The following BRCA1 variants were observed in gnomAD, a reference collection of about 807,000 sequenced individuals.
BRCA1 encodes breast cancer type 1 susceptibility protein.
A neutral mutation model predicts 173.7 loss-of-function variants in BRCA1; 140 were observed. That is an observed-to-expected ratio of 0.81 (90% confidence interval 0.70 to 0.93). The LOEUF is 0.93. Ranked by LOEUF, BRCA1 falls within the 40% of genes least tolerant of loss-of-function variation. The probability of loss-of-function intolerance (pLI) is 0.00; values close to 1 mark genes in which losing one functional copy is unlikely to be tolerated. For missense variants in BRCA1, 1,983 were observed against 2,172.5 expected, an observed-to-expected ratio of 0.91 and a Z score of 1.73; for synonymous variants, 662 against 756.0, an observed-to-expected ratio of 0.88 and a Z score of 2.04.
chr17:43,058,304 T>C (rs915079076), intron 18 of BRCA1, among the ~76,000 whole-genome samples: 2 of 150,878 alleles, frequency 1.3e-5, no homozygotes, highest in Non-Finnish European at 3.0e-5. Flanking sequence ...AGCCCAGGAG[T>C]TGGAGGCTGC....
intron 1 of BRCA1, among the ~76,000 whole-genome samples, chr17:43,134,554 T>C (rs760461489): frequency 8.5e-5 from 13 of 152,216 alleles, no homozygotes; most frequent in East Asian, 3.8e-4. Context: ...TGTGACCAGA[T>C]AGACTATACT....
chr17:43,135,419 C>T (rs1168140777), intron 1 of BRCA1, among the ~76,000 whole-genome samples: 2 of 152,364 alleles, frequency 1.3e-5, no homozygotes, highest in East Asian at 1.9e-4. Context: ...CATGCACCCG[C>T]TCCTTTATTA....
chr17:43,125,047 A>C, intron 1 of BRCA1: 1 of 427,728 alleles, frequency 2.3e-6, no homozygotes, highest in Non-Finnish European at 4.7e-6. Context: ...TATCACGAGG[A>C]TTCCCCCACG....
intron 12 of BRCA1, among the ~76,000 whole-genome samples, chr17:43,080,704 G>C: frequency 6.6e-6 from 1 of 152,036 alleles, no homozygotes; most frequent in East Asian, 1.9e-4. Context: ...AGCTACTTGG[G>C]AGGCTAAGGC....
rs1555588512 is a variant in BRCA1 at position 43,092,504 on chromosome 17, T to G, written c.3027A>C (p.Ser1009=). The change falls in exon 10 of 23, where the codon TCA becomes TCC. Residue 1009 remains serine (S), a synonymous_variant. Coordinates refer to ENST00000357654, the MANE Select transcript of BRCA1 (RefSeq NM_007294.4). ...TCTCATTTCCCATTTCTCTTTCAGG[T>G]GACATTGAATGTTCCTCAAAGTTTT... ...LEENFEEHSM[S]PEREMGNENI... is the part of the protein sequence containing the mutation. The G allele has an allele frequency of 1.2e-6, 2 of 1,614,022 alleles. No homozygotes were observed. The highest frequency in any genetic ancestry group is 1.7e-6 in the Non-Finnish European group (2 of 1,179,924).
intron 3 of BRCA1, among the ~76,000 whole-genome samples, chr17:43,114,248 T>TTA (rs2055165542): frequency 6.6e-6 from 1 of 152,130 alleles, no homozygotes. Flanking sequence ...GTCCCTGTAA[T>TTA]AATAGTATAG....
In BRCA1 at chr17:43,092,976, A is replaced by G. The variant is rs1555589415; in HGVS notation, c.2555T>C (p.Leu852Pro). 3 of 1,613,308 alleles carry G rather than the reference A, an allele frequency of 1.9e-6. No homozygotes were observed. Among genetic ancestry groups the G allele is most frequent in the Admixed American group, 3.3e-5 (2 of 59,986 alleles). Residue 852 changes from leucine to proline, a missense_variant, in exon 10 of 23, where the codon CTT (leucine) becomes CCT (proline). Transcript: ENST00000357654. ...ETSIEMEESELDAQYLQNTFK... is the reference protein window; with the variant it reads ...ETSIEMEESEPDAQYLQNTFK... ...TGTATTCTGCAAATACTGAGCATCA[A>G]GTTCACTTTCTTCCATTTCTATGCT...
intron 1 of BRCA1, chr17:43,138,480 C>T (rs999328518): frequency 2.4e-5 from 15 of 618,962 alleles, no homozygotes; most frequent in Middle Eastern, 4.3e-4. Context: ...GTGACTCCAC[C>T]GTAGACTCCA....
chr17:43,079,268 G>T (rs2154103914), intron 12 of BRCA1: 3 of 1,247,000 alleles, frequency 2.4e-6, no homozygotes, highest in Non-Finnish European at 3.5e-6. Context: ...TCCTCCTTTT[G>T]GCCAGAACCA....
intron 20 of BRCA1, 39 bp from the exon 21 acceptor site, chr17:43,049,233 C>A: frequency 6.3e-7 from 1 of 1,587,162 alleles, no homozygotes; most frequent in Non-Finnish European, 8.7e-7. Flanking sequence ...CTGCAGTAAT[C>A]TGCATACTTA....
At chr17:43,135,601 G>A (rs1398263988) in intron 1 of BRCA1, among the ~76,000 whole-genome samples, 8 of 152,186 alleles carry the variant, frequency 5.3e-5, no homozygotes, top group Non-Finnish European at 1.2e-4. Context: ...CGCAGGTCGC[G>A]GTCTTCGGAG....
In BRCA1 at chr17:43,101,412, G is replaced by T. The variant is rs2054469540; in HGVS notation, c.442-1532C>A. ...GGGTTTCACCACATTGCCTAGGCTG[G>T]TCTTGAACTCTAGGACTCGAGATCC... On this transcript the variant is annotated intron_variant, in intron 6 of 22. Coordinates refer to ENST00000357654, the MANE Select transcript of BRCA1 (RefSeq NM_007294.4). 2.6e-5 allele frequency among the ~76,000 whole-genome samples: 4 copies of T among 151,672 alleles called. No individual in the cohort carries two copies. In the South Asian group the frequency reaches 8.3e-4, roughly 32 times the overall value.
At chr17:43,086,109 TACACACAC>T (rs376686434) in intron 11 of BRCA1, among the ~76,000 whole-genome samples, 55 of 137,460 alleles carry the variant, frequency 4.0e-4, no homozygotes, top group East Asian at 1.9e-3. Context: ...ATCACATACA[TACACACAC>T]ACACACACAC....
intron 3 of BRCA1, among the ~76,000 whole-genome samples, chr17:43,109,463 C>G (rs969905741): frequency 2.6e-5 from 4 of 152,110 alleles, no homozygotes; most frequent in Non-Finnish European, 5.9e-5. Context: ...ATCTTCCTAC[C>G]AGAGAAAGTG....
At chr17:43,149,478 G>A (rs1257839925) in intron 1 of BRCA1, among the ~76,000 whole-genome samples, 9 of 151,632 alleles carry the variant, frequency 5.9e-5, no homozygotes, top group African/African-American at 7.3e-5. Flanking sequence ...CAAGTGATCC[G>A]CCCACCTTGG....
At chr17:43,103,475 A>G (rs1361648671) in intron 6 of BRCA1, among the ~76,000 whole-genome samples, 5 of 152,006 alleles carry the variant, frequency 3.3e-5, no homozygotes, top group African/African-American at 4.8e-5. Context: ...TCAAAAAAAA[A>G]AAAAAAAAAG....
chr17:43,119,336 G>C (rs146891355), intron 2 of BRCA1: 1 of 222,164 alleles, frequency 4.5e-6, no homozygotes, highest in East Asian at 6.5e-5. Flanking sequence ...TATTGTGAAG[G>C]GTTGTAATAC....
intron 1 of BRCA1, chr17:43,162,964 G>C (rs963483341): frequency 4.6e-5 from 7 of 152,202 alleles, no homozygotes; most frequent in African/African-American, 1.7e-4. Context: ...TCTGATACCA[G>C]GAGCAAGGTG....
intron 3 of BRCA1, among the ~76,000 whole-genome samples, chr17:43,108,771 T>C (rs2154558202): frequency 6.8e-6 from 1 of 147,886 alleles, no homozygotes; most frequent in Middle Eastern, 3.6e-3. Flanking sequence ...TCCCAACACT[T>C]TGGGAGAGGT....
Sources: gnomAD v4.1 joint callset for allele counts (sites outside exome capture counted in the v4.1 genomes callset) on GRCh38, gnomAD v4.1.1 for gene constraint, MANE v1.5 for transcripts, NCBI Gene and HGNC (gene_info 2026-07-23, HGNC 2026-07-21) for gene names.